SLAIN1: variants seen among roughly 807,000 people sequenced by gnomAD.
SLAIN1 encodes SLAIN family member 1.
Under a neutral mutation model 55.4 loss-of-function variants are expected in SLAIN1, and 17 were observed. The ratio of observed to expected loss-of-function variants is 0.31; its 90% CI spans 0.21 to 0.46. The LOEUF (loss-of-function observed/expected upper bound fraction) is 0.46, where lower values mean the gene tolerates loss of function less well. Among genes scored for constraint, SLAIN1 ranks in the 20% least tolerant of loss-of-function variants. The pLI, the probability that SLAIN1 is intolerant of heterozygous loss-of-function variation, is 1.00. For synonymous variants in SLAIN1, 348 were observed against 337.4 expected, an observed-to-expected ratio of 1.03 and a Z score of -0.35; for missense variants, 682 against 785.1, an observed-to-expected ratio of 0.87 and a Z score of 1.57.
chr13:77,722,576 A>G (rs1040059294), intron 2 of SLAIN1, among the ~76,000 whole-genome samples: 2 of 152,054 alleles, frequency 1.3e-5, no homozygotes, highest in African/African-American at 4.8e-5. Flanking sequence ...AACATTATCC[A>G]TTGGCTTTTG....
chr13:77,763,237 C>G lies in SLAIN1; in HGVS notation c.*17C>G, dbSNP rs751011397. 6.2e-7 allele frequency: 1 copy of G among 1,603,356 alleles called. No individual in the cohort carries two copies. Among genetic ancestry groups the G allele is most frequent in the South Asian group, 1.1e-5 (1 of 90,654 alleles). ...TGCTACTAATGCAGTTTTATGTACC[C>G]TTGAAAAATGGGAAAGAAGTAAAAA... On this transcript the variant is annotated 3_prime_UTR_variant, in exon 7 of 7. Coordinates refer to ENST00000418532, the MANE Select transcript of SLAIN1 (RefSeq NM_001242868.2).
chr13:77,727,038 C>A (rs2091313668), intron 2 of SLAIN1, among the ~76,000 whole-genome samples: 1 of 152,072 alleles, frequency 6.6e-6, no homozygotes, highest in Admixed American at 6.6e-5. Flanking sequence ...AAATTAAAAT[C>A]TCCTGGCATC....
intron 2 of SLAIN1, among the ~76,000 whole-genome samples, chr13:77,723,437 G>GA (rs2091279872): frequency 6.6e-6 from 1 of 152,070 alleles, no homozygotes; most frequent in African/African-American, 2.4e-5. Flanking sequence ...AGAGTAGAGG[G>GA]AAAAAGGATA....
intron 6 of SLAIN1, 150 bp from the exon 7 acceptor site, chr13:77,762,995 A>G: frequency 3.2e-6 from 2 of 625,616 alleles, no homozygotes; most frequent in Non-Finnish European, 5.6e-6. Context: ...AAGACCCGTA[A>G]GTGTGAACCA....
intron 2 of SLAIN1, chr13:77,741,570 C>A (rs530983757): frequency 3.6e-4 from 93 of 257,196 alleles, no homozygotes; most frequent in African/African-American, 2.1e-3. Flanking sequence ...CTAGTTCTTC[C>A]ACATACTTAA....
intron 2 of SLAIN1, 157 bp from the exon 3 acceptor site, chr13:77,744,126 A>G (rs1873646612): frequency 1.5e-6 from 1 of 668,170 alleles, no homozygotes; most frequent in Admixed American, 2.1e-5. Context: ...AATTGTGTAC[A>G]CATGATGTGC....
At chr13:77,756,080 G>A (rs1214609332) in intron 5 of SLAIN1, among the ~76,000 whole-genome samples, 2 of 152,064 alleles carry the variant, frequency 1.3e-5, no homozygotes, top group Non-Finnish European at 1.5e-5. Context: ...AAATTCTTTG[G>A]AAAGTTAAGT....
chr13:77,759,525 CAG>C (rs1874853411), intron 5 of SLAIN1, among the ~76,000 whole-genome samples: 1 of 152,054 alleles, frequency 6.6e-6, no homozygotes, highest in Non-Finnish European at 1.5e-5. Context: ...TTCCATTTCT[CAG>C]GGGGAATGCT....
intron 2 of SLAIN1, among the ~76,000 whole-genome samples, chr13:77,743,656 G>A (rs1209153974): frequency 1.3e-5 from 2 of 150,724 alleles, no homozygotes; most frequent in Non-Finnish European, 3.0e-5. Flanking sequence ...TTGTTCTTTG[G>A]TTCTTTTATC....
At chr13:77,760,792 G>A in intron 5 of SLAIN1, 36 bp from the exon 6 acceptor site, 1 of 1,604,294 alleles carries the variant, frequency 6.2e-7, no homozygotes, top group Non-Finnish European at 8.5e-7. Context: ...GATAGTGGTA[G>A]AAGGTTGCTC....
At position 77,746,824 on chromosome 13, in the gene SLAIN1, T is replaced by G; in HGVS notation, c.1227T>G (p.Thr409=). The G allele has an allele frequency of 6.2e-7, 1 of 1,613,328 alleles. No individual in the cohort carries two copies. Among genetic ancestry groups the G allele is most frequent in the Admixed American group, 1.7e-5 (1 of 59,924 alleles). The change falls in exon 4 of 7, where the codon ACT becomes ACG. Residue 409 remains threonine (T), a synonymous_variant. Transcript: ENST00000418532. The stretch of plus-strand genomic sequence containing the variant: ...AGTATTATTCACCTCAAGCCCAAAC[T>G]CCAGATCAGCAACCAAATAGGACCA... ...QQQYYSPQAQ[T]PDQQPNRTNG... is the part of the protein sequence containing the mutation.
chr13:77,698,332 C>A lies in SLAIN1; in HGVS notation c.419C>A (p.Ala140Glu). ...GCGCCCTCCCTGCTTTGCAGCCTGG[C>A]GCAGCCACCCGAGGCGCCCTTCGTC... ...SPAPSLLCSL[A>E]QPPEAPFVYF... is the part of the protein sequence containing the mutation. The change falls in exon 1 of 7, where the codon GCG becomes GAG. Residue 140 changes from alanine (A) to glutamate (E), a missense_variant. Coordinates refer to ENST00000418532, the MANE Select transcript of SLAIN1 (RefSeq NM_001242868.2). This position sits in a 1 kb window ranked among gnomAD's most constrained non-coding sequence, Gnocchi z 4.1. 1 of 1,448,396 alleles carries A rather than the reference C, an allele frequency of 6.9e-7. No homozygotes were observed. Among genetic ancestry groups the A allele is most frequent in the Non-Finnish European group, 9.1e-7 (1 of 1,102,702 alleles). The allele number at this position is 1,448,396 out of a possible 1,614,324, so 89.7% of individuals were successfully genotyped here. A position where few individuals can be genotyped will look rare whatever the true frequency, so the allele number is the denominator to read the frequency against.
Position 77,697,719 on chromosome 13 carries a change from A to G in SLAIN1, c.-195A>G, listed in dbSNP as rs2090986810. On this transcript the variant is annotated 5_prime_UTR_variant, in exon 1 of 7. Transcript: ENST00000418532. ...GGAGGGACGCACTGAGCATGTGCAG[A>G]TCAGCTCGGTGGTGGCTGCCGCGGC... 6.5e-6 allele frequency: 2 copies of G among 306,508 alleles called. No homozygotes were observed. Among genetic ancestry groups the G allele is most frequent in the Non-Finnish European group, 1.1e-5 (2 of 184,196 alleles). 19.0% of individuals were successfully genotyped at this position (306,508 alleles called of 1,614,324 possible).
chr13:77,745,489 G>A (rs764999516), intron 3 of SLAIN1, among the ~76,000 whole-genome samples: 1 of 152,010 alleles, frequency 6.6e-6, no homozygotes, highest in Non-Finnish European at 1.5e-5. Context: ...GTAGAAATAG[G>A]ATAGTTTTTC....
At position 77,698,824 on chromosome 13, in the gene SLAIN1, T is replaced by A; in HGVS notation, c.626+285T>A. The stretch of plus-strand genomic sequence containing the variant: ...GTTCTGCTATTTGCTGATTGTTGGG[T>A]CCCAAGCTCCTCGTTAGCATTAAGT... On this transcript the variant is annotated intron_variant, in intron 1 of 6. Coordinates refer to ENST00000418532, the MANE Select transcript of SLAIN1 (RefSeq NM_001242868.2). This position sits in a 1 kb window ranked among gnomAD's most constrained non-coding sequence, Gnocchi z 4.1. 2 of 1,455,906 alleles carry A rather than the reference T, an allele frequency of 1.4e-6. No individual in the cohort carries two copies. Among genetic ancestry groups the A allele is most frequent in the South Asian group, 2.7e-5 (2 of 73,214 alleles). 90.2% of individuals were successfully genotyped at this position (1,455,906 alleles called of 1,614,324 possible). A position where few individuals can be genotyped will look rare whatever the true frequency, so the allele number is the denominator to read the frequency against.
Position 77,763,657 on chromosome 13 carries a change from CT to C in SLAIN1, c.*443del. The C allele has an allele frequency of 6.5e-6, 1 of 154,404 alleles. No individual in the cohort carries two copies. The highest frequency in any genetic ancestry group is 6.4e-5 in the Admixed American group (1 of 15,576). The allele number at this position is 154,404 out of a possible 1,614,324, so 9.6% of individuals were successfully genotyped here. A position where few individuals can be genotyped will look rare whatever the true frequency, so the allele number is the denominator to read the frequency against. ...TCTATAATGTATGCTTTGAAATTTA[CT>C]TTTTTATAGTTTACAGGAATTTTAT... On this transcript the variant is annotated 3_prime_UTR_variant, in exon 7 of 7. Coordinates refer to ENST00000418532, the MANE Select transcript of SLAIN1 (RefSeq NM_001242868.2).
chr13:77,697,963 C>A lies in SLAIN1; in HGVS notation c.50C>A (p.Ala17Glu). ...KCASAGVSSG[A>E]GSGPVVNAEL... ...GCCTCGGCAGGGGTCAGCTCTGGAG[C>A]GGGCTCCGGGCCGGTGGTGAACGCG... The change falls in exon 1 of 7, where the codon GCG (alanine) becomes GAG (glutamate). Residue 17 changes from alanine to glutamate, a missense_variant. Around this residue, in one of 3 missense-constraint regions of SLAIN1, gnomAD observed 401 missense variants for 417.3 expected, o/e 0.96. Coordinates refer to ENST00000418532, the MANE Select transcript of SLAIN1 (RefSeq NM_001242868.2). 6.9e-7 allele frequency: 1 copy of A among 1,445,158 alleles called. No homozygotes were observed. The highest frequency in any genetic ancestry group is 9.2e-7 in the Non-Finnish European group (1 of 1,090,050). The allele number at this position is 1,445,158 out of a possible 1,614,324, so 89.5% of individuals were successfully genotyped here.
In SLAIN1 at chr13:77,709,118, A is replaced by G. The variant is rs2091120258; in HGVS notation, c.627-10414A>G. 2.0e-5 allele frequency among the ~76,000 whole-genome samples: 3 copies of G among 151,908 alleles called. No homozygotes were observed. The South Asian group carries it at 6.2e-4, about 32-fold the overall frequency. On this transcript the variant is annotated intron_variant, in intron 1 of 6. Coordinates refer to ENST00000418532, the MANE Select transcript of SLAIN1 (RefSeq NM_001242868.2). ...ACAGCACGAGAACTTCATGAAGCATACACAAGTATCAATAGCCAAATCAAT... is the reference window on the plus strand; with the variant it reads ...ACAGCACGAGAACTTCATGAAGCATGCACAAGTATCAATAGCCAAATCAAT...
chr13:77,713,565 T>A (rs1054772123), intron 1 of SLAIN1, among the ~76,000 whole-genome samples: 4 of 152,198 alleles, frequency 2.6e-5, no homozygotes, highest in African/African-American at 9.7e-5. Flanking sequence ...ACTTTTACAC[T>A]GTTGGTGGGA....
Sources: allele counts gnomAD v4.1 joint callset (sites outside exome capture counted in the v4.1 genomes callset), GRCh38; gene constraint gnomAD v4.1.1; regional missense constraint gnomAD v4.1.1; non-coding constraint Gnocchi (gnomAD v3.1); transcripts MANE v1.5; gene names NCBI Gene and HGNC (gene_info 2026-07-23, HGNC 2026-07-21).